FBXL7: variants seen among roughly 807,000 people sequenced by gnomAD.
FBXL7 encodes the protein F-box/LRR-repeat protein 7.
FBXL7 carries 12 observed loss-of-function variants against 38.3 expected under a neutral mutation model. That is an observed-to-expected ratio of 0.31 (90% CI 0.20 to 0.51). The LOEUF (loss-of-function observed/expected upper bound fraction) is 0.51. Among genes scored for constraint, FBXL7 ranks in the 20% least tolerant of loss-of-function variants. The pLI, the probability that FBXL7 is intolerant of heterozygous loss-of-function variation, is 0.98. For missense variants in FBXL7, 567 were observed against 676.4 expected, an observed-to-expected ratio of 0.84 and a Z score of 1.79; for synonymous variants, 297 against 300.9, an observed-to-expected ratio of 0.99 and a Z score of 0.13.
intron 2 of FBXL7, among the ~76,000 whole-genome samples, chr5:15,922,159 CAT>C: frequency 6.6e-6 from 1 of 150,454 alleles, no homozygotes; most frequent in Non-Finnish European, 1.5e-5. Flanking sequence ...ATACATATAT[CAT>C]ATATGTTATA....
At chr5:15,605,978 A>G (rs1321285749) in intron 1 of FBXL7, among the ~76,000 whole-genome samples, 1 of 152,164 alleles carries the variant, frequency 6.6e-6, no homozygotes, top group Non-Finnish European at 1.5e-5. Flanking sequence ...ATATATGTAT[A>G]TCTGATTATC....
rs1034074580 is a variant in FBXL7, at chr5:15,720,045, G to A, written c.127+103973G>A. ...TGTGCCAGCCATTGGGCTGTGAGCC[G>A]AAGTCATTCAAAGGAATGGCCACAA... On this transcript the variant is annotated intron_variant, in intron 2 of 3. Transcript: ENST00000504595. 4.7e-5 allele frequency among the ~76,000 whole-genome samples: 7 copies of A among 149,148 alleles called. 1 individual carries two copies. Among genetic ancestry groups the A allele is most frequent in the South Asian group, 2.2e-4 (1 of 4,562 alleles).
At chr5:15,576,072 CTTTTTTTTTTTTT>C (rs35832237) in intron 1 of FBXL7, among the ~76,000 whole-genome samples, 3 of 74,260 alleles carry the variant, frequency 4.0e-5, no homozygotes, top group Non-Finnish European at 7.2e-5. Flanking sequence ...GAATCTCATT[CTTTTTTTTTTTTT>C]TTTTTTTTTT....
At chr5:15,767,283 C>T (rs1365303466) in intron 2 of FBXL7, among the ~76,000 whole-genome samples, 1 of 152,110 alleles carries the variant, frequency 6.6e-6, no homozygotes, top group East Asian at 1.9e-4. Context: ...CTATAATTTT[C>T]ATTCAAAAGA....
intron 1 of FBXL7, among the ~76,000 whole-genome samples, chr5:15,604,097 G>A (rs1739910081): frequency 6.6e-6 from 1 of 152,120 alleles, no homozygotes; most frequent in South Asian, 2.1e-4. Context: ...GATCCAGAAG[G>A]TAGAGGTTGC....
intron 2 of FBXL7, among the ~76,000 whole-genome samples, chr5:15,643,401 A>T (rs926604422): frequency 3.9e-5 from 6 of 152,212 alleles, no homozygotes; most frequent in Non-Finnish European, 8.8e-5. Context: ...TCTTCAATGT[A>T]GTGCTTAAAA....
intron 2 of FBXL7, among the ~76,000 whole-genome samples, chr5:15,624,974 C>T (rs1174079950): frequency 2.0e-5 from 3 of 151,754 alleles, no homozygotes; most frequent in Non-Finnish European, 2.9e-5. Flanking sequence ...TTTGCACATG[C>T]CCCCTCCCCT....
rs571360039 is a variant in FBXL7, at chr5:15,655,076, A to G, written c.127+39004A>G. The stretch of plus-strand genomic sequence containing the variant: ...CTTGTCTTTCTGGTATGGCCATATT[A>G]AGATAGCTACCAATCTCTGCACACA... On this transcript the variant is annotated intron_variant, in intron 2 of 3. Transcript: ENST00000504595. Among the ~76,000 whole-genome samples the G allele has an allele frequency of 4.6e-5, 7 of 152,344 alleles. No individual in the cohort carries two copies. In the South Asian group the frequency reaches 1.4e-3, roughly 32 times the overall value.
chr5:15,676,504 TACTC>T (rs1326610570), intron 2 of FBXL7, among the ~76,000 whole-genome samples: 5 of 152,264 alleles, frequency 3.3e-5, no homozygotes, highest in Non-Finnish European at 2.9e-5. Context: ...TTTAAAATCT[TACTC>T]AAGCTTTTCA....
intron 2 of FBXL7, among the ~76,000 whole-genome samples, chr5:15,876,517 G>A (rs564561260): frequency 2.0e-5 from 3 of 152,198 alleles, no homozygotes; most frequent in African/African-American, 7.2e-5. Context: ...TGTTGATTTT[G>A]CACTCAGTAA....
At chr5:15,572,410 A>G (rs995128745) in intron 1 of FBXL7, among the ~76,000 whole-genome samples, 2 of 142,102 alleles carry the variant, frequency 1.4e-5, no homozygotes, top group African/African-American at 5.3e-5. Context: ...AAAAAAAAAA[A>G]TCTTGTTCAG....
At chr5:15,627,942 C>T (rs2126536763) in intron 2 of FBXL7, among the ~76,000 whole-genome samples, 1 of 152,198 alleles carries the variant, frequency 6.6e-6, no homozygotes, top group African/African-American at 2.4e-5. Context: ...GAGAGAAGCA[C>T]TTTAGTAGTA....
At chr5:15,628,685 G>A (rs1034431133) in intron 2 of FBXL7, among the ~76,000 whole-genome samples, 1 of 151,946 alleles carries the variant, frequency 6.6e-6, no homozygotes, top group Non-Finnish European at 1.5e-5. Context: ...ATCATATATA[G>A]CAGTATTTTC....
intron 2 of FBXL7, among the ~76,000 whole-genome samples, chr5:15,761,529 C>G (rs932320643): frequency 1.3e-5 from 2 of 152,022 alleles, no homozygotes; most frequent in Non-Finnish European, 2.9e-5. Context: ...AAAGTCAATC[C>G]TAGTTGTAAA....
chr5:15,706,656 A>G (rs1743688409), intron 2 of FBXL7, among the ~76,000 whole-genome samples: 1 of 152,204 alleles, frequency 6.6e-6, no homozygotes, highest in Middle Eastern at 3.2e-3. Flanking sequence ...AAAGATTTGT[A>G]AAATGAAAGG....
intron 1 of FBXL7, among the ~76,000 whole-genome samples, chr5:15,591,383 C>T (rs1045116872): frequency 8.7e-5 from 13 of 149,820 alleles, no homozygotes; most frequent in African/African-American, 3.0e-4. Context: ...GAGCTGTGAT[C>T]GCACCACTGC....
chr5:15,785,279 T>G (rs528218439), intron 2 of FBXL7, among the ~76,000 whole-genome samples: 2 of 152,294 alleles, frequency 1.3e-5, no homozygotes, highest in South Asian at 4.1e-4. Context: ...CTGCAGCAGG[T>G]CTTCAGAAGA....
intron 2 of FBXL7, among the ~76,000 whole-genome samples, chr5:15,794,449 T>C (rs987983331): frequency 6.8e-6 from 1 of 146,106 alleles, no homozygotes; most frequent in African/African-American, 2.5e-5. Flanking sequence ...TTTTATAGGC[T>C]CCTATTCTAA....
At chr5:15,840,383 T>C (rs1294597494) in intron 2 of FBXL7, among the ~76,000 whole-genome samples, 1 of 152,232 alleles carries the variant, frequency 6.6e-6, no homozygotes, top group Non-Finnish European at 1.5e-5. Context: ...AAGTTAAGAA[T>C]AGAGCTTAGC....
Sources: allele counts gnomAD v4.1 joint callset (sites outside exome capture counted in the v4.1 genomes callset), GRCh38; gene constraint gnomAD v4.1.1; transcripts MANE v1.5; gene names NCBI Gene and HGNC (gene_info 2026-07-23, HGNC 2026-07-21).